Variants in PGAP6 observed in about 807,000 individuals in gnomAD.
PGAP6 encodes the protein post-GPI attachment to proteins 6.
In PGAP6, 62 loss-of-function variants were observed where a neutral mutation model predicts 68.4. That is an observed-to-expected ratio of 0.91 (90% CI 0.74 to 1.12). The LOEUF is 1.12. Among genes scored for constraint, PGAP6 ranks in the 50% most tolerant of loss-of-function variants. The pLI, the probability that PGAP6 is intolerant of heterozygous loss-of-function variation, is 0.00. For synonymous variants in PGAP6, 575 were observed against 474.0 expected, an observed-to-expected ratio of 1.21 and a Z score of -2.77; for missense variants, 1,188 against 1,068.5, an observed-to-expected ratio of 1.11 and a Z score of -1.56.
upstream of PGAP6, among the ~76,000 whole-genome samples, chr16:385,310 A>ATTTTT (rs35605582): frequency 1.8e-5 from 2 of 112,402 alleles, no homozygotes; most frequent in African/African-American, 4.1e-5. Context: ...ATATACTCTG[A>ATTTTT]TTTTTTTTTT....
rs755564478 is a variant in PGAP6 at position 374,206 on chromosome 16, G to A, written c.1755+15C>T. 2 of 1,610,362 alleles carry A rather than the reference G, an allele frequency of 1.2e-6. No homozygotes were observed. The highest frequency in any genetic ancestry group is 1.1e-5 in the South Asian group (1 of 91,072). On this transcript the variant is annotated intron_variant, in intron 10 of 12. Transcript: ENST00000431232. ...GCCCTCCCACCCCACATCCCTGCAG[G>A]AGGGGCCAGCCTACCGTGGAGAAGA...
At position 370,894 on chromosome 16, in the gene PGAP6, A is replaced by T. The variant is rs569969615; in HGVS notation, c.*1093T>A. The T allele has an allele frequency of 2.0e-5, 3 of 152,314 alleles. No homozygotes were observed. The highest frequency in any genetic ancestry group is 4.4e-5 in the Non-Finnish European group (3 of 68,128). 9.4% of individuals were successfully genotyped at this position (152,314 alleles called of 1,614,324 possible). A position where few individuals can be genotyped will look rare whatever the true frequency, so the allele number is the denominator to read the frequency against. ...CTTAGAATTTTCCTTTACTCCAAAAAACCCCATATATATATGTTTCTCCTT... is the reference window on the plus strand; with the variant it reads ...CTTAGAATTTTCCTTTACTCCAAAATACCCCATATATATATGTTTCTCCTT... On this transcript the variant is annotated 3_prime_UTR_variant, in exon 13 of 13. Coordinates refer to ENST00000431232, the MANE Select transcript of PGAP6 (RefSeq NM_021259.3).
chr16:380,930 C>T (rs930850656), intron 1 of PGAP6, among the ~76,000 whole-genome samples: 1 of 152,214 alleles, frequency 6.6e-6, no homozygotes, highest in South Asian at 2.1e-4. Flanking sequence ...CCTCCAGAGT[C>T]CCAGGCCACA....
chr16:381,921 G>A lies in PGAP6; in HGVS notation c.-100C>T, dbSNP rs1002369088. ...TGCCGCCTCCGCCTCTGCCGCCTCC[G>A]CCTCTGCCCCCGGCGCCCATGGCCC... On this transcript the variant is annotated 5_prime_UTR_variant, in exon 1 of 13. Transcript: ENST00000431232. 5.5e-5 allele frequency: 53 copies of A among 971,908 alleles called. No individual in the cohort carries two copies. In the African/African-American group the frequency reaches 8.7e-4, roughly 16 times the overall value. 60.2% of individuals were successfully genotyped at this position (971,908 alleles called of 1,614,324 possible). A position where few individuals can be genotyped will look rare whatever the true frequency, so the allele number is the denominator to read the frequency against.
At chr16:374,673 CG>C (rs1220449451) in intron 9 of PGAP6, 82 bp downstream of exon 9, 2 of 1,559,128 alleles carry the variant, frequency 1.3e-6, no homozygotes, top group African/African-American at 2.7e-5. Flanking sequence ...CCCCTTGCGG[CG>C]CTCCCCCAGG....
chr16:379,294 A>T (rs1174547500), intron 1 of PGAP6, among the ~76,000 whole-genome samples: 1 of 151,898 alleles, frequency 6.6e-6, no homozygotes, highest in Admixed American at 6.6e-5. Context: ...CAGCCTCGTG[A>T]CCCTCCCATA....
At chr16:382,031 CGGGGGGCGGGACCG>C (rs2054445428), upstream of PGAP6, 2 of 716,372 alleles carry the variant, frequency 2.8e-6, no homozygotes, top group South Asian at 7.0e-5. Context: ...AGGGCGGGGT[CGGGGGGCGGGACCG>C]GGGGGGGCGC....
At position 374,292 on chromosome 16, in the gene PGAP6, T is replaced by C. The variant is rs1280032934; in HGVS notation, c.1684A>G (p.Ile562Val). 1.2e-6 allele frequency: 2 copies of C among 1,606,762 alleles called. No individual in the cohort carries two copies. Among genetic ancestry groups the C allele is most frequent in the Non-Finnish European group, 8.5e-7 (1 of 1,179,708 alleles). Residue 562 changes from isoleucine (I) to valine (V), a missense_variant, in exon 10 of 13, where the codon ATC becomes GTC. By Grantham distance (29) the Ile-to-Val change is conservative. Coordinates refer to ENST00000431232, the MANE Select transcript of PGAP6 (RefSeq NM_021259.3). ...AAGAATCGCCGCACTGAGACGGCGA[T>C]GGGGGCCAGGAACATGAGGTTGCTG... Reference protein sequence around the residue: ...TLSNLMFLAPIAVSVRRFFLV... With the variant: ...TLSNLMFLAPVAVSVRRFFLV...
chr16:386,876 G>GA, upstream of PGAP6: 1 of 644,632 alleles, frequency 1.6e-6, no homozygotes, highest in Non-Finnish European at 2.9e-6. Context: ...ACATAAAAAA[G>GA]AAGACCCGCA....
In PGAP6 at chr16:381,942, G is replaced by A. The variant is rs892829824; in HGVS notation, c.-121C>T. 1 of 971,624 alleles carries A rather than the reference G, an allele frequency of 1.0e-6. No individual in the cohort carries two copies. Among genetic ancestry groups the A allele is most frequent in the African/African-American group, 1.8e-5 (1 of 56,150 alleles). 60.2% of individuals were successfully genotyped at this position (971,624 alleles called of 1,614,324 possible). On this transcript the variant is annotated 5_prime_UTR_variant, in exon 1 of 13. Transcript: ENST00000431232. ...CTCCGCCTCTGCCCCCGGCGCCCAT[G>A]GCCCGGCCGGTCCCCGCCGCCGTCG...
chr16:374,784 G>A lies in PGAP6; in HGVS notation c.1548C>T (p.Tyr516=). 3.7e-6 allele frequency: 6 copies of A among 1,612,796 alleles called. No individual in the cohort carries two copies. The highest frequency in any genetic ancestry group is 1.1e-5 in the South Asian group (1 of 91,072). The change falls in exon 9 of 13, where the codon TAC becomes TAT. Residue 516 remains tyrosine (Y), a synonymous_variant. Coordinates refer to ENST00000431232, the MANE Select transcript of PGAP6 (RefSeq NM_021259.3). ...CCTTGCAGCTGCAGCTGGCATACAG[G>A]TAGCTGTGTCTGCGGAGCAGGAGGC... The part of the protein sequence containing the change: ...GQCLLLRRHS[Y]LYASCSCKAG...
chr16:381,921 G>C lies in PGAP6; in HGVS notation c.-100C>G. 4.1e-6 allele frequency: 4 copies of C among 972,008 alleles called. No homozygotes were observed. The highest frequency in any genetic ancestry group is 4.9e-6 in the Non-Finnish European group (4 of 820,314). The allele number at this position is 972,008 out of a possible 1,614,324, so 60.2% of individuals were successfully genotyped here. A position where few individuals can be genotyped will look rare whatever the true frequency, so the allele number is the denominator to read the frequency against. ...TGCCGCCTCCGCCTCTGCCGCCTCCGCCTCTGCCCCCGGCGCCCATGGCCC... is the reference window on the plus strand; with the variant it reads ...TGCCGCCTCCGCCTCTGCCGCCTCCCCCTCTGCCCCCGGCGCCCATGGCCC... On this transcript the variant is annotated 5_prime_UTR_variant, in exon 1 of 13. Coordinates refer to ENST00000431232, the MANE Select transcript of PGAP6 (RefSeq NM_021259.3).
intron 6 of PGAP6, among the ~76,000 whole-genome samples, chr16:375,683 C>T (rs1006764898): frequency 1.3e-5 from 2 of 152,200 alleles, no homozygotes; most frequent in African/African-American, 2.4e-5. Context: ...AGGCGCCCGC[C>T]ACCACGCCCG....
In PGAP6 at chr16:381,869, G is replaced by A. The variant is rs897890415; in HGVS notation, c.-48C>T. The A allele has an allele frequency of 9.2e-6, 9 of 979,262 alleles. No individual in the cohort carries two copies. Among genetic ancestry groups the A allele is most frequent in the Non-Finnish European group, 1.1e-5 (9 of 826,360 alleles). The allele number at this position is 979,262 out of a possible 1,614,324, so 60.7% of individuals were successfully genotyped here. A position where few individuals can be genotyped will look rare whatever the true frequency, so the allele number is the denominator to read the frequency against. Reference sequence around the variant, plus strand: ...TACCCGGCCCGCGTCCCGCGCCGCCGGCCCCCGCCGCCGCCCGGGCAGCCT... The same window carrying A: ...TACCCGGCCCGCGTCCCGCGCCGCCAGCCCCCGCCGCCGCCCGGGCAGCCT... On this transcript the variant is annotated 5_prime_UTR_variant, in exon 1 of 13. Coordinates refer to ENST00000431232, the MANE Select transcript of PGAP6 (RefSeq NM_021259.3).
At chr16:373,818 C>T (rs560755287) in intron 11 of PGAP6, among the ~76,000 whole-genome samples, 187 bp downstream of exon 11, 8 of 101,358 alleles carry the variant, frequency 7.9e-5, no homozygotes, top group Admixed American at 5.2e-4. Flanking sequence ...CAAGGCATTA[C>T]AGGTGTGAGC....
upstream of PGAP6, among the ~76,000 whole-genome samples, chr16:382,747 G>A (rs560980120): frequency 2.3e-4 from 33 of 145,756 alleles, no homozygotes; most frequent in South Asian, 2.0e-3. Flanking sequence ...GTCGTGGGTG[G>A]GAGGGGGGTG....
intron 4 of PGAP6, 98 bp from the exon 5 acceptor site, chr16:376,910 G>A: frequency 6.4e-7 from 1 of 1,560,028 alleles, no homozygotes; most frequent in South Asian, 1.2e-5. Context: ...ACTCTGGTGG[G>A]GGCCAGGCAT....
Position 371,740 on chromosome 16 carries a change from C to T in PGAP6, c.*247G>A. ...TGGTCTCCAAGTAACCAAGCCCAGG[C>T]CCCAGGGGCCACTGCAGACAGCAGC... On this transcript the variant is annotated 3_prime_UTR_variant, in exon 13 of 13. Coordinates refer to ENST00000431232, the MANE Select transcript of PGAP6 (RefSeq NM_021259.3). 1 of 517,536 alleles carries T rather than the reference C, an allele frequency of 1.9e-6. No homozygotes were observed. The highest frequency in any genetic ancestry group is 3.4e-5 in the Admixed American group (1 of 29,816). 32.1% of individuals were successfully genotyped at this position (517,536 alleles called of 1,614,324 possible). A position where few individuals can be genotyped will look rare whatever the true frequency, so the allele number is the denominator to read the frequency against.
chr16:383,030 C>A (rs1333480552), upstream of PGAP6, among the ~76,000 whole-genome samples: 1 of 152,154 alleles, frequency 6.6e-6, no homozygotes, highest in Non-Finnish European at 1.5e-5. Context: ...GCCAGAGAAT[C>A]GCCTGAACCC....
Sources: allele counts gnomAD v4.1 joint callset (sites outside exome capture counted in the v4.1 genomes callset), GRCh38; gene constraint gnomAD v4.1.1; transcripts MANE v1.5; gene names NCBI Gene and HGNC (gene_info 2026-07-23, HGNC 2026-07-21).